The following RTL4 variants were observed in gnomAD, a reference collection of about 807,000 sequenced individuals.
RTL4 encodes retrotransposon Gag like 4.
RTL4 carries 4 observed loss-of-function variants against 5.3 expected under a neutral mutation model. That is an observed-to-expected ratio of 0.75 (90% CI 0.37 to 1.72). The LOEUF (loss-of-function observed/expected upper bound fraction) is 1.72, where lower values mean the gene tolerates loss of function less well. Among genes scored for constraint, RTL4 ranks in the 40% most tolerant of loss-of-function variants. RTL4 has a pLI of 0.04. For synonymous variants in RTL4, 98 were observed against 87.3 expected, an observed-to-expected ratio of 1.12 and a Z score of -0.68; for missense variants, 260 against 227.1, an observed-to-expected ratio of 1.14 and a Z score of -0.93.
the RTL4 span, among the ~76,000 whole-genome samples, chrX:112,402,567 T>C: frequency 2.7e-5 from 3 of 110,576 alleles, no homozygotes; most frequent in African/African-American, 9.9e-5. Flanking sequence ...GATTAGTGAG[T>C]CTGAGCTGGG....
the RTL4 span, among the ~76,000 whole-genome samples, chrX:112,108,428 T>G: frequency 9.0e-6 from 1 of 111,729 alleles, no homozygotes; most frequent in Non-Finnish European, 1.9e-5. Flanking sequence ...GCTCCAGTCT[T>G]TTCAGACTGC....
the RTL4 span, among the ~76,000 whole-genome samples, chrX:112,302,416 A>G: frequency 8.9e-6 from 1 of 111,826 alleles, no homozygotes; most frequent in African/African-American, 3.3e-5. Context: ...ACTATCTACA[A>G]CATAGGTTTT....
exon 1 of RTL4, chrX:112,456,606 C>T (rs1311798251): frequency 1.1e-5 from 3 of 275,007 alleles, no homozygotes; most frequent in Non-Finnish European, 2.0e-5. Flanking sequence ...GGACAAGGGA[C>T]CTGGCCAAAT....
the RTL4 span, among the ~76,000 whole-genome samples, chrX:112,441,118 G>A: frequency 9.0e-6 from 1 of 111,492 alleles, no homozygotes; most frequent in Middle Eastern, 4.6e-3. Context: ...GCATGAATCT[G>A]CTTTGAAACA....
chrX:112,403,462 A>C, the RTL4 span, among the ~76,000 whole-genome samples: 1 of 112,184 alleles, frequency 8.9e-6, no homozygotes, highest in South Asian at 3.8e-4. Flanking sequence ...ATGACTGAGC[A>C]TCATGAGACT....
chrX:112,408,489 A>G, the RTL4 span, among the ~76,000 whole-genome samples: 501 of 110,708 alleles, frequency 4.5e-3, 2 homozygotes, highest in African/African-American at 0.015. Context: ...AAAGAATTAA[A>G]AAAATGAAGC....
the RTL4 span, among the ~76,000 whole-genome samples, chrX:112,406,149 G>A: frequency 9.0e-6 from 1 of 111,653 alleles, no homozygotes; most frequent in South Asian, 3.9e-4. Flanking sequence ...GGAAGTCTAA[G>A]CCACAATGAC....
upstream of RTL4, among the ~76,000 whole-genome samples, chrX:112,451,859 C>G (rs1163062694): frequency 4.5e-5 from 5 of 111,378 alleles, no homozygotes; most frequent in African/African-American, 1.6e-4. Flanking sequence ...TGTGCCCTCC[C>G]CATCCCTACT....
the RTL4 span, among the ~76,000 whole-genome samples, chrX:112,222,664 T>G: frequency 9.1e-6 from 1 of 109,768 alleles, no homozygotes; most frequent in Non-Finnish European, 1.9e-5. Context: ...GCCCAGGGAG[T>G]TGAGGATACA....
the RTL4 span, among the ~76,000 whole-genome samples, chrX:112,351,314 G>T: frequency 1.0e-5 from 1 of 99,912 alleles, no homozygotes. Flanking sequence ...GAATAGGTGT[G>T]GTGTGGTGCT....
the RTL4 span, among the ~76,000 whole-genome samples, chrX:112,158,695 G>T: frequency 9.0e-6 from 1 of 111,027 alleles, no homozygotes; most frequent in African/African-American, 3.3e-5. Flanking sequence ...AACCTAAGAA[G>T]ATATAATTTA....
the RTL4 span, among the ~76,000 whole-genome samples, chrX:112,364,572 G>A: frequency 1.8e-5 from 2 of 111,027 alleles, no homozygotes; most frequent in Non-Finnish European, 3.8e-5. Flanking sequence ...GAGGGGTGGT[G>A]ATGGTCATGG....
upstream of RTL4, among the ~76,000 whole-genome samples, chrX:112,451,742 G>A (rs915051559): frequency 9.0e-6 from 1 of 111,194 alleles, no homozygotes; most frequent in Non-Finnish European, 1.9e-5. Context: ...TGGGAGAGAT[G>A]AGCAGTAGTG....
the RTL4 span, chrX:112,381,811 G>A: frequency 5.0e-6 from 6 of 1,207,542 alleles, no homozygotes; most frequent in Non-Finnish European, 6.7e-6. Context: ...CAAAGACACG[G>A]GAAGTACAGG....
chrX:112,120,960 A>G, the RTL4 span, among the ~76,000 whole-genome samples: 1 of 111,214 alleles, frequency 9.0e-6, no homozygotes, highest in Non-Finnish European at 1.9e-5. Flanking sequence ...GAGTCAACAT[A>G]CAGTTATATA....
At chrX:112,254,671 C>CGG in the RTL4 span, among the ~76,000 whole-genome samples, 1 of 109,158 alleles carries the variant, frequency 9.2e-6, no homozygotes, top group African/African-American at 3.4e-5. Context: ...TGAACAGGGG[C>CGG]GGGGGGCATT....
At chrX:112,405,675 GGAAGA>G in the RTL4 span, among the ~76,000 whole-genome samples, 1 of 111,029 alleles carries the variant, frequency 9.0e-6, no homozygotes, top group Non-Finnish European at 1.9e-5. Context: ...GCAAGATAGT[GGAAGA>G]GAAGACTCTA....
chrX:112,130,637 C>G, the RTL4 span, among the ~76,000 whole-genome samples: 4 of 110,611 alleles, frequency 3.6e-5, no homozygotes, highest in African/African-American at 9.9e-5. Context: ...ATATTTCTGT[C>G]AAACTAAATG....
chrX:112,424,540 C>T, the RTL4 span, among the ~76,000 whole-genome samples: 1 of 111,245 alleles, frequency 9.0e-6, no homozygotes, highest in East Asian at 2.8e-4. Flanking sequence ...TTCATGTGCA[C>T]AGTTCTGCTA....
Sources: allele counts gnomAD v4.1 joint callset (sites outside exome capture counted in the v4.1 genomes callset), GRCh38; gene constraint gnomAD v4.1.1; transcripts MANE v1.5; gene names NCBI Gene and HGNC (gene_info 2026-07-23, HGNC 2026-07-21).